Variants in CEP85L observed in about 807,000 individuals in gnomAD.
CEP85L encodes centrosomal protein of 85 kDa-like.
Under a neutral mutation model 100.3 loss-of-function variants are expected in CEP85L, and 60 were observed. The ratio of observed to expected loss-of-function variants is 0.60; its 90% CI spans 0.49 to 0.74. The LOEUF (loss-of-function observed/expected upper bound fraction) is 0.74, where lower values mean the gene tolerates loss of function less well. Ranked by LOEUF, CEP85L falls within the 30% of genes least tolerant of loss-of-function variation. CEP85L has a pLI of 0.00. For missense variants in CEP85L, 973 were observed against 936.2 expected, an observed-to-expected ratio of 1.04 and a Z score of -0.51; for synonymous variants, 319 against 322.7, an observed-to-expected ratio of 0.99 and a Z score of 0.12.
At chr6:118,494,726 T>C (rs1471355513) in intron 5 of CEP85L, among the ~76,000 whole-genome samples, 2 of 152,198 alleles carry the variant, frequency 1.3e-5, no homozygotes, top group Non-Finnish European at 2.9e-5. Context: ...TTACTAAAGC[T>C]CTATTTACCA....
At chr6:118,550,279 AAAT>A (rs1395331154) in intron 3 of CEP85L, among the ~76,000 whole-genome samples, 92 of 151,830 alleles carry the variant, frequency 6.1e-4, no homozygotes, top group Non-Finnish European at 1.5e-4. Context: ...TGAGATTAAG[AAAT>A]AATAAAATAT....
intron 1 of CEP85L, among the ~76,000 whole-genome samples, chr6:118,694,147 G>A (rs1777131803): frequency 6.6e-6 from 1 of 152,150 alleles, no homozygotes; most frequent in Non-Finnish European, 1.5e-5. Context: ...CTAATACGAT[G>A]CAGATATATC....
At chr6:118,600,534 C>CTGGT (rs1781732663) in intron 2 of CEP85L, among the ~76,000 whole-genome samples, 1 of 151,680 alleles carries the variant, frequency 6.6e-6, no homozygotes, top group Non-Finnish European at 1.5e-5. Flanking sequence ...ATTGGTCAGG[C>CTGGT]TGGTCTCCAA....
chr6:118,569,666 G>A (rs1351032606), intron 2 of CEP85L, among the ~76,000 whole-genome samples: 1 of 151,534 alleles, frequency 6.6e-6, no homozygotes, highest in African/African-American at 2.4e-5. Flanking sequence ...AGAATTCCTG[G>A]CAGAAAGCAA....
Position 118,601,018 on chromosome 6 carries a change from T to C in CEP85L, c.232+31435A>G, listed in dbSNP as rs144976318. On this transcript the variant is annotated intron_variant, in intron 2 of 12. Transcript: ENST00000368491. ...TTGTTTCTTATTTTTCACTAAACGA[T>C]GTTGCAGTGAATATTCTTATACATA... Among the ~76,000 whole-genome samples, 448 of 152,326 alleles carry C rather than the reference T, an allele frequency of 2.9e-3. 2 individuals carry two copies. Among genetic ancestry groups the C allele is most frequent in the African/African-American group, 0.01 (433 of 41,590 alleles).
At chr6:118,538,343 T>C (rs1222875791) in intron 3 of CEP85L, among the ~76,000 whole-genome samples, 11 of 151,874 alleles carry the variant, frequency 7.2e-5, no homozygotes, top group African/African-American at 1.2e-4. Context: ...TTCAAGTAAA[T>C]TGAGTTACTT....
At chr6:118,587,994 C>T (rs1014631533) in intron 2 of CEP85L, among the ~76,000 whole-genome samples, 1 of 152,210 alleles carries the variant, frequency 6.6e-6, no homozygotes, top group African/African-American at 2.4e-5. Context: ...CTCCTGGATA[C>T]ACTTAATCCT....
chr6:118,496,810 C>T (rs1774959454), intron 5 of CEP85L, among the ~76,000 whole-genome samples: 2 of 152,224 alleles, frequency 1.3e-5, no homozygotes, highest in African/African-American at 2.4e-5. Context: ...ACATATTCAA[C>T]CTGCTCAATG....
chr6:118,475,233 C>T (rs779950346), intron 10 of CEP85L, among the ~76,000 whole-genome samples: 18 of 151,448 alleles, frequency 1.2e-4, no homozygotes, highest in Non-Finnish European at 2.2e-4. Flanking sequence ...GGCTTCTATT[C>T]GAGATGATAA....
rs1773692486 is a variant in CEP85L at position 118,480,439 on chromosome 6, T to C, written c.1820A>G (p.Asn607Ser). 6.2e-7 allele frequency: 1 copy of C among 1,611,896 alleles called. No individual in the cohort carries two copies. Among genetic ancestry groups the C allele is most frequent in the South Asian group, 1.1e-5 (1 of 90,786 alleles). The change falls in exon 9 of 13, where the codon AAT becomes AGT. Residue 607 changes from asparagine to serine, a missense_variant. This residue lies in a region of CEP85L where 890 missense variants were observed against 844.5 expected (regional missense o/e 1.05). Transcript: ENST00000368491. ...LPMLDAKQLQ[N>S]ENDNLRQQNE... Reference sequence around the variant, plus strand: ...TTGTTGTCTGAGATTATCATTTTCATTCTGAAGCTGTTTTGCATCTAACAT... The same window carrying C: ...TTGTTGTCTGAGATTATCATTTTCACTCTGAAGCTGTTTTGCATCTAACAT...
intron 2 of CEP85L, among the ~76,000 whole-genome samples, chr6:118,567,237 GTGTGTGTGTGTGTATATATATATATA>G (rs746053548): frequency 0.17 from 14,407 of 86,346 alleles, 963 homozygotes; most frequent in Non-Finnish European, 0.2. Flanking sequence ...GTGTGTGTGT[GTGTGTGTGTGTGTATATATATATATA>G]TATATATATA....
intron 1 of CEP85L, among the ~76,000 whole-genome samples, chr6:118,662,959 G>A (rs1368032138): frequency 6.6e-6 from 1 of 152,056 alleles, no homozygotes; most frequent in East Asian, 1.9e-4. Context: ...TAATGAAAAT[G>A]TGGAAATTTG....
At chr6:118,587,660 C>A (rs1326834420) in intron 2 of CEP85L, among the ~76,000 whole-genome samples, 3 of 152,084 alleles carry the variant, frequency 2.0e-5, no homozygotes, top group South Asian at 2.1e-4. Flanking sequence ...CTAACAGTGG[C>A]GGCTTACTGA....
intron 2 of CEP85L, among the ~76,000 whole-genome samples, chr6:118,567,001 G>GA (rs1779547752): frequency 6.6e-6 from 1 of 151,856 alleles, no homozygotes; most frequent in Non-Finnish European, 1.5e-5. Flanking sequence ...AACTTTGTCA[G>GA]AAAAATGGTA....
intron 4 of CEP85L, among the ~76,000 whole-genome samples, chr6:118,515,529 A>T (rs1319406006): frequency 6.6e-6 from 1 of 152,218 alleles, no homozygotes; most frequent in Non-Finnish European, 1.5e-5. Flanking sequence ...AAAGAATTCA[A>T]TTCATATAGA....
intron 2 of CEP85L, chr6:118,589,431 A>G (rs1781051826): frequency 3.8e-6 from 1 of 263,278 alleles, no homozygotes; most frequent in Non-Finnish European, 8.2e-6. Flanking sequence ...GAGGAAGGAA[A>G]TGATTTGAAG....
rs568310044 is a variant in CEP85L, at chr6:118,537,035, G to T, written c.1021-13115C>A. Reference sequence around the variant, plus strand: ...CTTGACAATATCCCAGAAAACCGAGGTACTTGTTTTGATAGAAAAACATGT... The same window carrying T: ...CTTGACAATATCCCAGAAAACCGAGTTACTTGTTTTGATAGAAAAACATGT... On this transcript the variant is annotated intron_variant, in intron 3 of 12. Coordinates refer to ENST00000368491, the MANE Select transcript of CEP85L (RefSeq NM_001042475.3). 7.2e-5 allele frequency among the ~76,000 whole-genome samples: 11 copies of T among 152,126 alleles called. No individual in the cohort carries two copies. In the South Asian group the frequency reaches 2.1e-3, roughly 29 times the overall value.
chr6:118,687,755 T>A (rs1776883294), intron 1 of CEP85L, among the ~76,000 whole-genome samples: 1 of 152,164 alleles, frequency 6.6e-6, no homozygotes, highest in Non-Finnish European at 1.5e-5. Flanking sequence ...TTGCTCGCCG[T>A]CCACCACTGC....
At chr6:118,513,054 C>T (rs1040549726) in intron 4 of CEP85L, among the ~76,000 whole-genome samples, 2 of 152,090 alleles carry the variant, frequency 1.3e-5, no homozygotes, top group African/African-American at 2.4e-5. Context: ...AAACAACACA[C>T]TGAATGGTGA....
Sources: allele counts gnomAD v4.1 joint callset (sites outside exome capture counted in the v4.1 genomes callset), GRCh38; gene constraint gnomAD v4.1.1; regional missense constraint gnomAD v4.1.1; transcripts MANE v1.5; gene names NCBI Gene and HGNC (gene_info 2026-07-23, HGNC 2026-07-21).